The following CRYBG2 variants were observed in gnomAD, a reference collection of about 807,000 sequenced individuals.
CRYBG2 encodes beta/gamma crystallin domain-containing protein 2.
Under a neutral mutation model 153.4 loss-of-function variants are expected in CRYBG2, and 106 were observed. That is an observed-to-expected ratio of 0.69 (90% CI 0.59 to 0.81). The LOEUF is 0.81. CRYBG2 is among the 30% of genes least tolerant of loss of function. The pLI is 0.00. For synonymous variants in CRYBG2, 851 were observed against 877.8 expected (o/e 0.97, Z 0.54); for missense variants, 1,996 against 2,112.0 (o/e 0.95, Z 1.08).
intron 1 of CRYBG2, among the ~76,000 whole-genome samples, chr1:26,351,659 C>T (rs2074288297): frequency 1.3e-5 from 2 of 152,158 alleles, no homozygotes; most frequent in South Asian, 2.1e-4. Context: ...CAGAATTTAA[C>T]GTCTTTCTCA....
At chr1:26,326,795 A>C in intron 17 of CRYBG2, 1 of 513,552 alleles carries the variant, frequency 1.9e-6, no homozygotes, top group South Asian at 1.4e-5. Flanking sequence ...CTATACCTAC[A>C]AAGTTGGGAA....
chr1:26,348,618 C>T (rs143465530), intron 1 of CRYBG2, among the ~76,000 whole-genome samples: 177 of 152,144 alleles, frequency 1.2e-3, no homozygotes, highest in Middle Eastern at 3.4e-3. Context: ...TGCAGTGGCA[C>T]GATCTCAGCC....
At chr1:26,337,735 T>G in intron 8 of CRYBG2, 61 bp from the exon 9 acceptor site, 1 of 1,585,502 alleles carries the variant, frequency 6.3e-7, no homozygotes, top group Non-Finnish European at 8.5e-7. Flanking sequence ...AGCTCAGGAA[T>G]GGCTCTGCCC....
intron 17 of CRYBG2, chr1:26,326,540 CA>C (rs140765637): frequency 0.19 from 19,675 of 102,960 alleles, 1,139 homozygotes; most frequent in South Asian, 0.27. Flanking sequence ...GACTCTGTCT[CA>C]AAAAAAAAAA....
At chr1:26,353,939 G>A (rs1570224801) in intron 1 of CRYBG2, 97 bp downstream of exon 1, 1 of 398,912 alleles carries the variant, frequency 2.5e-6, no homozygotes, top group Non-Finnish European at 4.4e-6. Context: ...GGTCCTGAAT[G>A]AATGGGCCTA....
At chr1:26,337,823 T>C in intron 8 of CRYBG2, 149 bp from the exon 9 acceptor site, 1 of 1,302,276 alleles carries the variant, frequency 7.7e-7, no homozygotes, top group Non-Finnish European at 1.0e-6. Context: ...TTCCTATCTC[T>C]ACTCTGACCT....
rs1180290930 is a variant in CRYBG2, at chr1:26,346,386, T to C, written c.272A>G (p.Gln91Arg). 6.3e-7 allele frequency: 1 copy of C among 1,599,552 alleles called. No homozygotes were observed. Among genetic ancestry groups the C allele is most frequent in the Non-Finnish European group, 8.5e-7 (1 of 1,179,734 alleles). The change falls in exon 2 of 20, where the codon CAG (glutamine) becomes CGG (arginine). Residue 91 changes from glutamine to arginine, a missense_variant. Coordinates refer to ENST00000308182, the MANE Select transcript of CRYBG2 (RefSeq NM_001039775.4). This position sits in a 1 kb window ranked among gnomAD's most constrained non-coding sequence, Gnocchi z 4.9. Reference protein sequence around the residue: ...PRDTAGSKNFQSHGPIFSKKY... With the variant: ...PRDTAGSKNFRSHGPIFSKKY... ...CTTGGAAAAGATGGGTCCATGGCTC[T>C]GGAAGTTCTTGGAGCCAGCTGTATC...
chr1:26,323,065 AC>A (rs1481856003), intron 18 of CRYBG2, among the ~76,000 whole-genome samples: 1 of 143,696 alleles, frequency 7.0e-6, no homozygotes, highest in Admixed American at 7.1e-5. Context: ...CCCCTACCAT[AC>A]CTGATACTTT....
In CRYBG2 at chr1:26,344,889, G is replaced by C. The variant is rs553591603; in HGVS notation, c.1769C>G (p.Ala590Gly). ...CTCTTTCTGGGTGGGCGATGAGGCAGCAGGAGCACCAGGGCCCTTCACAAC... is the reference window on the plus strand; with the variant it reads ...CTCTTTCTGGGTGGGCGATGAGGCACCAGGAGCACCAGGGCCCTTCACAAC... Reference protein sequence around the residue: ...KEVVKGPGAPAASSPTQKEVV... With the variant: ...KEVVKGPGAPGASSPTQKEVV... The change falls in exon 2 of 20, where the codon GCT becomes GGT. Residue 590 changes from alanine (A) to glycine (G), a missense_variant. Ala to Gly is a moderately conservative substitution (Grantham distance 60). Transcript: ENST00000308182. 26 of 1,535,546 alleles carry C rather than the reference G, an allele frequency of 1.7e-5. No individual in the cohort carries two copies. The South Asian group carries it at 3.1e-4, about 18-fold the overall frequency.
chr1:26,352,039 G>T (rs11247927), intron 1 of CRYBG2, among the ~76,000 whole-genome samples: 12,789 of 151,978 alleles, frequency 0.084, 575 homozygotes, highest in Non-Finnish European at 0.1. Context: ...GGAAGGGAGA[G>T]GCTGAGGAGG....
In CRYBG2 at chr1:26,346,916, C is replaced by T. The variant is rs567053789; in HGVS notation, c.-55-204G>A. Among the ~76,000 whole-genome samples, 3 of 152,298 alleles carry T rather than the reference C, an allele frequency of 2.0e-5. No individual in the cohort carries two copies. Among genetic ancestry groups the T allele is most frequent in the African/African-American group, 7.2e-5 (3 of 41,570 alleles). On this transcript the variant is annotated intron_variant, in intron 1 of 19. Transcript: ENST00000308182. The surrounding 1 kb of genome is among the most constrained non-coding windows in gnomAD (Gnocchi z 4.9). ...TCAGAGCCCCTCATCCATCCCTCTC[C>T]CTGACTTTCAGGTGATCTCCTAGGT...
intron 1 of CRYBG2, among the ~76,000 whole-genome samples, chr1:26,348,740 G>A (rs985319104): frequency 2.0e-5 from 3 of 151,872 alleles, no homozygotes; most frequent in African/African-American, 7.2e-5. Context: ...ATTTTTAGTA[G>A]AGATGGGGTT....
chr1:26,341,022 TCA>T (rs1200722249), intron 5 of CRYBG2, among the ~76,000 whole-genome samples: 3 of 152,034 alleles, frequency 2.0e-5, no homozygotes, highest in African/African-American at 7.2e-5. Flanking sequence ...AGCTCTGGAC[TCA>T]GTTATTCATT....
In CRYBG2 at chr1:26,324,265, G is replaced by A; in HGVS notation, c.4624C>T (p.Leu1542=). 1 of 1,611,820 alleles carries A rather than the reference G, an allele frequency of 6.2e-7. No individual in the cohort carries two copies. Among genetic ancestry groups the A allele is most frequent in the Middle Eastern group, 1.7e-4 (1 of 6,060 alleles). ...TCCTCCACATGGTCCGGCACTGCCA[G>A]GAATCCCCCCAGTGCTGCATTCCAG... ...RLWNAALGGF[L]AVPDHVEDMK... is the part of the protein sequence containing the mutation. The change falls in exon 18 of 20, where the codon CTG becomes TTG. Residue 1542 remains leucine (L), a synonymous_variant. Coordinates refer to ENST00000308182, the MANE Select transcript of CRYBG2 (RefSeq NM_001039775.4).
At chr1:26,328,569 A>G (rs1308783814) in intron 16 of CRYBG2, 165 bp downstream of exon 16, 3 of 1,193,400 alleles carry the variant, frequency 2.5e-6, no homozygotes, top group South Asian at 3.1e-5. Context: ...AAGCCCTGAG[A>G]GCCAGTGACC....
Position 26,322,196 on chromosome 1 carries a change from T to C in CRYBG2, c.4865A>G (p.Gln1622Arg), listed in dbSNP as rs540538625. The C allele has an allele frequency of 6.2e-7, 1 of 1,614,144 alleles. No homozygotes were observed. Among genetic ancestry groups the C allele is most frequent in the African/African-American group, 1.3e-5 (1 of 75,064 alleles). ...GTCCAGGATCTGGCCTTCGAACATC[T>C]GGCTGCAGATGTGGCCCGATTCACT... ...SISESGHICS[Q>R]MFEGQILDVK... is the part of the protein sequence containing the mutation. The change falls in exon 19 of 20, where the codon CAG (glutamine) becomes CGG (arginine). Residue 1622 changes from glutamine (Q) to arginine (R), a missense_variant. Physicochemically the swap from Gln to Arg is conservative, Grantham distance 43. Transcript: ENST00000308182.
intron 17 of CRYBG2, chr1:26,326,585 C>A: frequency 5.3e-6 from 1 of 188,208 alleles, no homozygotes; most frequent in South Asian, 9.3e-5. Flanking sequence ...ACATCAAACT[C>A]ATGACTTTAT....
chr1:26,338,537 G>C, intron 6 of CRYBG2, 60 bp from the exon 7 acceptor site: 2 of 1,495,274 alleles, frequency 1.3e-6, no homozygotes, highest in Non-Finnish European at 1.8e-6. Flanking sequence ...ACACAGATTG[G>C]TGGGCGGGAG....
chr1:26,339,318 C>T lies in CRYBG2; in HGVS notation c.3316G>A (p.Val1106Met), dbSNP rs748123001. The change falls in exon 6 of 20, where the codon GTG (valine) becomes ATG (methionine). Residue 1106 changes from valine (V) to methionine (M), a missense_variant. Transcript: ENST00000308182. ...NSQGLEKPLQ[V>M]ASATVSAGLW... ...CCTGCAGAGACGGTGGCAGATGCCACCTGCAGGGGCTTCTCCAGACCCTGG... is the reference window on the plus strand; with the variant it reads ...CCTGCAGAGACGGTGGCAGATGCCATCTGCAGGGGCTTCTCCAGACCCTGG... The T allele has an allele frequency of 1.2e-6, 2 of 1,613,988 alleles. No homozygotes were observed. The highest frequency in any genetic ancestry group is 1.7e-5 in the Admixed American group (1 of 59,978).
Sources: gnomAD v4.1 joint callset for allele counts (sites outside exome capture counted in the v4.1 genomes callset) on GRCh38, gnomAD v4.1.1 for gene constraint, Gnocchi (gnomAD v3.1) non-coding constraint, MANE v1.5 for transcripts, NCBI Gene and HGNC (gene_info 2026-07-23, HGNC 2026-07-21) for gene names.